The following SLC7A14 variants were observed in gnomAD, a reference collection of about 807,000 sequenced individuals.
The protein encoded by SLC7A14 is gamma-aminobutyric acid transporter SLC7A14.
In SLC7A14, 37 loss-of-function variants were observed where a neutral mutation model predicts 60.2. That is an observed-to-expected ratio of 0.61 (90% CI 0.47 to 0.81). The LOEUF (loss-of-function observed/expected upper bound fraction) is 0.81. SLC7A14 is among the 30% of genes least tolerant of loss of function. SLC7A14 has a pLI of 0.00. For missense variants in SLC7A14, 886 were observed against 982.7 expected (o/e 0.90, Z 1.32); for synonymous variants, 399 against 395.8 (o/e 1.01, Z -0.10).
chr3:170,506,184 G>C (rs1217637332), intron 2 of SLC7A14, among the ~76,000 whole-genome samples: 1 of 152,112 alleles, frequency 6.6e-6, no homozygotes, highest in African/African-American at 2.4e-5. Flanking sequence ...CCTTAGTGTT[G>C]GTCAGAGATG....
At position 170,486,140 on chromosome 3, in the gene SLC7A14, A is replaced by G. The variant is rs1030903724; in HGVS notation, c.906+82T>C. 120 of 1,537,984 alleles carry G rather than the reference A, an allele frequency of 7.8e-5. 1 individual carries two copies. The highest frequency in any genetic ancestry group is 1.0e-4 in the Non-Finnish European group (116 of 1,133,952). On this transcript the variant is annotated intron_variant, in intron 5 of 7. Coordinates refer to ENST00000231706, the MANE Select transcript of SLC7A14 (RefSeq NM_020949.3). ...AAGACAGACACCAAGAAGACATAGG[A>G]AAGGACTCCTTCCTGACAGAGAAGG... is the stretch of plus-strand genomic sequence containing the variant.
intron 1 of SLC7A14, 52 bp from the exon 2 acceptor site, chr3:170,527,140 C>A (rs753108776): frequency 1.4e-4 from 84 of 606,034 alleles, no homozygotes; most frequent in Non-Finnish European, 2.1e-4. Context: ...AGAAACAAAC[C>A]TTGACTTGCG....
At chr3:170,577,911 T>C (rs1394598900) in intron 1 of SLC7A14, among the ~76,000 whole-genome samples, 1 of 152,200 alleles carries the variant, frequency 6.6e-6, no homozygotes, top group African/African-American at 2.4e-5. Context: ...TAACATAGGA[T>C]TAATGAGAAG....
intron 1 of SLC7A14, among the ~76,000 whole-genome samples, chr3:170,582,455 A>T (rs1715263270): frequency 6.6e-6 from 1 of 152,188 alleles, no homozygotes; most frequent in African/African-American, 2.4e-5. Flanking sequence ...TTAAAATTTA[A>T]TTATAAATAG....
intron 1 of SLC7A14, among the ~76,000 whole-genome samples, chr3:170,575,820 A>G (rs1418137756): frequency 6.6e-6 from 1 of 152,218 alleles, no homozygotes; most frequent in African/African-American, 2.4e-5. Flanking sequence ...TTCTAGTTAC[A>G]AGATTGGACT....
chr3:170,537,342 G>A (rs1431984980), intron 1 of SLC7A14, among the ~76,000 whole-genome samples: 1 of 152,042 alleles, frequency 6.6e-6, no homozygotes, highest in Non-Finnish European at 1.5e-5. Flanking sequence ...CCTGTTCTAA[G>A]GATCCTTGTA....
intron 1 of SLC7A14, among the ~76,000 whole-genome samples, chr3:170,545,051 T>A (rs562322332): frequency 5.8e-4 from 89 of 152,372 alleles, no homozygotes; most frequent in African/African-American, 2.1e-3. Context: ...AAATTTAATT[T>A]TAATTAATTT....
Position 170,577,541 on chromosome 3 carries a change from C to T in SLC7A14, c.-153+8370G>A, listed in dbSNP as rs1026596992. On this transcript the variant is annotated intron_variant, in intron 1 of 7. Coordinates refer to ENST00000231706, the MANE Select transcript of SLC7A14 (RefSeq NM_020949.3). Reference sequence around the variant, plus strand: ...GCTGAGGCAGGAGAATGGCGTGAACCCGGGAAGCAGAGCTTGCAGTGAGCC... The same window carrying T: ...GCTGAGGCAGGAGAATGGCGTGAACTCGGGAAGCAGAGCTTGCAGTGAGCC... 1.3e-5 allele frequency among the ~76,000 whole-genome samples: 2 copies of T among 150,198 alleles called. 1 individual carries two copies. Among genetic ancestry groups the T allele is most frequent in the Middle Eastern group, 6.4e-3 (2 of 312 alleles).
intron 1 of SLC7A14, among the ~76,000 whole-genome samples, chr3:170,568,476 T>C (rs1374854344): frequency 6.6e-6 from 1 of 152,236 alleles, no homozygotes; most frequent in African/African-American, 2.4e-5. Context: ...TGGCTTAGGA[T>C]TGACTTGGCG....
chr3:170,474,073 A>G (rs113047776), intron 7 of SLC7A14, among the ~76,000 whole-genome samples: 7 of 152,210 alleles, frequency 4.6e-5, no homozygotes, highest in African/African-American at 1.7e-4. Flanking sequence ...GCCCTCAACT[A>G]GAAACAACCC....
In SLC7A14 at chr3:170,463,253, AG is replaced by A. The variant is rs1322766451; in HGVS notation, c.*3801del. On this transcript the variant is annotated 3_prime_UTR_variant, in exon 8 of 8. Coordinates refer to ENST00000231706, the MANE Select transcript of SLC7A14 (RefSeq NM_020949.3). ...CTAGCTCCTTGCTTTCTCTTAATGGAGGCACAGCACAAATTCTTAGCCAGAG... is the reference window on the plus strand; with the variant it reads ...CTAGCTCCTTGCTTTCTCTTAATGGAGCACAGCACAAATTCTTAGCCAGAG... The A allele has an allele frequency of 2.0e-5, 3 of 152,150 alleles. No homozygotes were observed. Among genetic ancestry groups the A allele is most frequent in the Non-Finnish European group, 2.9e-5 (2 of 68,032 alleles). 9.4% of individuals were successfully genotyped at this position (152,150 alleles called of 1,614,324 possible). A position where few individuals can be genotyped will look rare whatever the true frequency, so the allele number is the denominator to read the frequency against.
At chr3:170,537,717 T>C (rs1023599) in intron 1 of SLC7A14, among the ~76,000 whole-genome samples, 49,618 of 152,108 alleles carry the variant, frequency 0.33, 8,306 homozygotes, top group East Asian at 0.46. Flanking sequence ...TCAGCTGCTT[T>C]CAGAGGAGCA....
In SLC7A14 at chr3:170,547,205, T is replaced by C. The variant is rs1446554821; in HGVS notation, c.-152-20117A>G. On this transcript the variant is annotated intron_variant, in intron 1 of 7. Coordinates refer to ENST00000231706, the MANE Select transcript of SLC7A14 (RefSeq NM_020949.3). ...TGTCCTGCAGATTCTATGAGCCAAA[T>C]AGAGTAGTTTCCACCTTCTGAAGTG... 3.3e-5 allele frequency among the ~76,000 whole-genome samples: 5 copies of C among 152,202 alleles called. No individual in the cohort carries two copies. In the East Asian group the frequency reaches 7.7e-4, roughly 23 times the overall value.
intron 6 of SLC7A14, among the ~76,000 whole-genome samples, chr3:170,482,097 C>A (rs1202699308): frequency 6.6e-6 from 1 of 152,130 alleles, no homozygotes; most frequent in African/African-American, 2.4e-5. Flanking sequence ...AGAAACTGTG[C>A]TCGTAGATAC....
At chr3:170,499,712 G>A (rs563863945) in intron 3 of SLC7A14, among the ~76,000 whole-genome samples, 5 of 152,236 alleles carry the variant, frequency 3.3e-5, no homozygotes, top group South Asian at 4.2e-4. Flanking sequence ...CAGTGAACAC[G>A]CCCTGCCTGC....
intron 1 of SLC7A14, among the ~76,000 whole-genome samples, chr3:170,556,709 A>G (rs1714493305): frequency 6.6e-6 from 1 of 152,216 alleles, no homozygotes; most frequent in African/African-American, 2.4e-5. Flanking sequence ...CCTGTTTTCT[A>G]CATGTGTATT....
At chr3:170,549,648 CAGTT>C (rs1485677859) in intron 1 of SLC7A14, among the ~76,000 whole-genome samples, 5 of 152,206 alleles carry the variant, frequency 3.3e-5, no homozygotes, top group African/African-American at 7.2e-5. Context: ...AAAATGCTAA[CAGTT>C]AGAGCTACCC....
intron 1 of SLC7A14, among the ~76,000 whole-genome samples, chr3:170,534,190 G>A (rs1284686026): frequency 6.6e-6 from 1 of 152,106 alleles, no homozygotes; most frequent in African/African-American, 2.4e-5. Flanking sequence ...ACAGTGGATC[G>A]GCTTCAGATC....
intron 1 of SLC7A14, among the ~76,000 whole-genome samples, chr3:170,549,406 G>T (rs1489795746): frequency 6.6e-6 from 1 of 151,980 alleles, no homozygotes; most frequent in Non-Finnish European, 1.5e-5. Context: ...GTAGAGACAG[G>T]GTTTCACCAT....
Sources: allele counts gnomAD v4.1 joint callset (sites outside exome capture counted in the v4.1 genomes callset), GRCh38; gene constraint gnomAD v4.1.1; transcripts MANE v1.5; gene names NCBI Gene and HGNC (gene_info 2026-07-23, HGNC 2026-07-21).